The following NRXN3 variants were observed in gnomAD, a reference collection of about 807,000 sequenced individuals.
The protein encoded by NRXN3 is neurexin III.
NRXN3 carries 32 observed loss-of-function variants against 137.6 expected under a neutral mutation model. The ratio of observed to expected loss-of-function variants is 0.23; its 90% CI spans 0.18 to 0.31. NRXN3 has a LOEUF of 0.31. Ranked by LOEUF, NRXN3 falls within the 10% of genes least tolerant of loss-of-function variation. The probability of loss-of-function intolerance (pLI) is 1.00; values close to 1 mark genes in which losing one functional copy is unlikely to be tolerated. For missense variants in NRXN3, 1,574 were observed against 2,062.5 expected (o/e 0.76, Z 4.59); for synonymous variants, 798 against 784.5 (o/e 1.02, Z -0.29).
At chr14:79,062,435 G>A (rs2152669601) in intron 15 of NRXN3, among the ~76,000 whole-genome samples, 1 of 152,160 alleles carries the variant, frequency 6.6e-6, no homozygotes, top group African/African-American at 2.4e-5. Context: ...TCCAAATACA[G>A]CACAATGGCA....
intron 10 of NRXN3, among the ~76,000 whole-genome samples, chr14:78,927,649 T>C (rs1365730192): frequency 2.0e-5 from 3 of 152,170 alleles, no homozygotes; most frequent in African/African-American, 7.2e-5. Flanking sequence ...ATGTGGGTTA[T>C]TTAAGCTTTT....
At chr14:79,236,406 G>A (rs985281116) in intron 15 of NRXN3, among the ~76,000 whole-genome samples, 27 of 151,978 alleles carry the variant, frequency 1.8e-4, no homozygotes, top group African/African-American at 6.0e-4. Context: ...ATAATTTGCT[G>A]ATAAGCGTTA....
chr14:79,733,869 G>A lies in NRXN3; in HGVS notation c.4014+35932G>A, dbSNP rs2098932977. Among the ~76,000 whole-genome samples the A allele has an allele frequency of 2.0e-5, 3 of 152,172 alleles. No individual in the cohort carries two copies. The South Asian group carries it at 6.2e-4, about 32-fold the overall frequency. ...CACAGACATATTCCTACCACTACAAGGACCAAGGACATTCACTTGCCTGCT... is the reference window on the plus strand; with the variant it reads ...CACAGACATATTCCTACCACTACAAAGACCAAGGACATTCACTTGCCTGCT... On this transcript the variant is annotated intron_variant, in intron 19 of 20. Coordinates refer to ENST00000335750, the MANE Select transcript of NRXN3 (RefSeq NM_001330195.2).
At chr14:79,752,073 G>T (rs548373242) in intron 19 of NRXN3, among the ~76,000 whole-genome samples, 3 of 152,250 alleles carry the variant, frequency 2.0e-5, no homozygotes, top group Admixed American at 2.0e-4. Flanking sequence ...GTATCAGGAT[G>T]ATGCTGGCCT....
At chr14:78,390,220 A>G (rs1397337996) in intron 4 of NRXN3, among the ~76,000 whole-genome samples, 1 of 152,214 alleles carries the variant, frequency 6.6e-6, no homozygotes, top group African/African-American at 2.4e-5. Flanking sequence ...TATCTAGAGC[A>G]GTGGTTTTTA....
intron 4 of NRXN3, among the ~76,000 whole-genome samples, chr14:78,364,915 A>T (rs368965643): frequency 2.0e-5 from 3 of 152,074 alleles, no homozygotes; most frequent in African/African-American, 7.2e-5. Context: ...ACCGATACAA[A>T]CTCATCCACC....
At chr14:78,732,497 G>T (rs1377807560) in intron 8 of NRXN3, among the ~76,000 whole-genome samples, 1 of 152,120 alleles carries the variant, frequency 6.6e-6, no homozygotes, top group African/African-American at 2.4e-5. Flanking sequence ...AATGCCATGA[G>T]ACCTTTTTCC....
chr14:79,754,543 T>C (rs1240923687), intron 19 of NRXN3, among the ~76,000 whole-genome samples: 3 of 80,016 alleles, frequency 3.7e-5, no homozygotes, highest in Admixed American at 2.3e-4. Flanking sequence ...TATATATATA[T>C]ATATATATAT....
intron 4 of NRXN3, among the ~76,000 whole-genome samples, chr14:78,634,787 C>T (rs1360365090): frequency 6.6e-6 from 1 of 151,968 alleles, no homozygotes; most frequent in African/African-American, 2.4e-5. Flanking sequence ...TTGTTACATA[C>T]AAATAGAGCT....
intron 10 of NRXN3, among the ~76,000 whole-genome samples, chr14:78,955,869 G>A (rs2099395959): frequency 6.6e-6 from 1 of 152,160 alleles, no homozygotes; most frequent in African/African-American, 2.4e-5. Context: ...CAGTCTTGGA[G>A]AGGAGGGAGG....
chr14:79,237,637 T>G (rs1310051879), intron 15 of NRXN3, among the ~76,000 whole-genome samples: 1 of 152,116 alleles, frequency 6.6e-6, no homozygotes, highest in East Asian at 1.9e-4. Context: ...TTTTCATATA[T>G]CTTTATTGAA....
intron 10 of NRXN3, among the ~76,000 whole-genome samples, chr14:78,941,899 T>C (rs2099353729): frequency 6.6e-6 from 1 of 152,188 alleles, no homozygotes; most frequent in Admixed American, 6.5e-5. Context: ...TCAGTGCTCA[T>C]ATTTAAAAAG....
At position 79,367,024 on chromosome 14, in the gene NRXN3, C is replaced by G. The variant is rs942211378; in HGVS notation, c.3263-100197C>G. Among the ~76,000 whole-genome samples the G allele has an allele frequency of 2.5e-4, 35 of 138,380 alleles. 2 individuals are homozygous for G. The South Asian group carries it at 6.6e-3, about 26-fold the overall frequency. The allele number at this position is 138,380 out of a possible 152,430, so 90.8% of individuals were successfully genotyped here. A position where few individuals can be genotyped will look rare whatever the true frequency, so the allele number is the denominator to read the frequency against. On this transcript the variant is annotated intron_variant, in intron 15 of 20. Coordinates refer to ENST00000335750, the MANE Select transcript of NRXN3 (RefSeq NM_001330195.2). The stretch of plus-strand genomic sequence containing the variant: ...TTGGAGATGGAGTCTTGCTCTGTCA[C>G]CCAGGCTGGAGTGCAGTGGCGCATT...
At chr14:79,206,822 C>A (rs1198025931) in intron 15 of NRXN3, among the ~76,000 whole-genome samples, 1 of 151,976 alleles carries the variant, frequency 6.6e-6, no homozygotes, top group South Asian at 2.1e-4. Context: ...TAATTAATAA[C>A]CTTATTATCT....
At chr14:79,799,283 G>A (rs947162766) in intron 19 of NRXN3, among the ~76,000 whole-genome samples, 6 of 152,128 alleles carry the variant, frequency 3.9e-5, no homozygotes, top group Non-Finnish European at 7.3e-5. Context: ...TTTAAATATA[G>A]GACTTGGCTA....
intron 10 of NRXN3, among the ~76,000 whole-genome samples, chr14:78,918,564 G>A (rs1034229704): frequency 1.3e-5 from 2 of 152,146 alleles, no homozygotes; most frequent in African/African-American, 2.4e-5. Flanking sequence ...ACTAAAGAGC[G>A]TAAAATGAAC....
chr14:78,698,518 T>A (rs1323508922), intron 6 of NRXN3, among the ~76,000 whole-genome samples: 1 of 149,980 alleles, frequency 6.7e-6, no homozygotes, highest in Non-Finnish European at 1.5e-5. Flanking sequence ...TCTGAGATAC[T>A]GTCTCAAAAC....
At chr14:78,915,981 T>C (rs940299901) in intron 10 of NRXN3, among the ~76,000 whole-genome samples, 10 of 152,116 alleles carry the variant, frequency 6.6e-5, no homozygotes, top group Admixed American at 3.3e-4. Context: ...AATGTCCCTA[T>C]AAGAAGATAC....
chr14:78,260,809 A>G (rs945355641), intron 2 of NRXN3, among the ~76,000 whole-genome samples: 1 of 152,162 alleles, frequency 6.6e-6, no homozygotes, highest in Non-Finnish European at 1.5e-5. Flanking sequence ...TAAATTGCCC[A>G]TTCTCGGGTA....
Sources: gnomAD v4.1 joint callset for allele counts (sites outside exome capture counted in the v4.1 genomes callset) on GRCh38, gnomAD v4.1.1 for gene constraint, MANE v1.5 for transcripts, NCBI Gene and HGNC (gene_info 2026-07-23, HGNC 2026-07-21) for gene names.